The following EMC4 variants were observed in gnomAD, a reference collection of about 807,000 sequenced individuals.
EMC4 encodes cell proliferation-inducing gene 17 protein.
Under a neutral mutation model 24.2 loss-of-function variants are expected in EMC4, and 9 were observed. That is an observed-to-expected ratio of 0.37 (90% CI 0.22 to 0.65). EMC4 has a LOEUF of 0.65. Among genes scored for constraint, EMC4 ranks in the 30% least tolerant of loss-of-function variants. EMC4 has a pLI of 0.59. For synonymous variants in EMC4, 86 were observed against 81.1 expected, an observed-to-expected ratio of 1.06 and a Z score of -0.32; for missense variants, 169 against 234.6, an observed-to-expected ratio of 0.72 and a Z score of 1.83.
intron 3 of EMC4, chr15:34,228,057 C>A: frequency 6.1e-6 from 3 of 490,170 alleles, no homozygotes; most frequent in Non-Finnish European, 1.1e-5. Context: ...GTGGCACACG[C>A]CTGTAATCCC....
Position 34,225,328 on chromosome 15 carries a change from G to A in EMC4, c.86+128G>A, listed in dbSNP as rs1284131375. The stretch of plus-strand genomic sequence containing the variant: ...CACAGACATCACCTGGGGAGGTAGC[G>A]GCTTTTCTGCCGTGGAAGTTTCTCT... On this transcript the variant is annotated intron_variant, in intron 1 of 4. Coordinates refer to ENST00000267750, the MANE Select transcript of EMC4 (RefSeq NM_016454.4). 18 of 912,776 alleles carry A rather than the reference G, an allele frequency of 2.0e-5. No individual in the cohort carries two copies. In the East Asian group the frequency reaches 4.8e-4, roughly 24 times the overall value. The allele number at this position is 912,776 out of a possible 1,614,324, so 56.5% of individuals were successfully genotyped here. A position where few individuals can be genotyped will look rare whatever the true frequency, so the allele number is the denominator to read the frequency against.
intron 3 of EMC4, 94 bp from the exon 4 acceptor site, chr15:34,228,335 A>G (rs982188422): frequency 3.3e-5 from 44 of 1,328,684 alleles, no homozygotes; most frequent in Non-Finnish European, 4.4e-5. Context: ...CTGTCTTACT[A>G]TGGGTCTGTC....
At chr15:34,225,672 C>A in intron 2 of EMC4, 22 bp downstream of exon 2, 1 of 1,576,830 alleles carries the variant, frequency 6.3e-7, no homozygotes, top group South Asian at 1.1e-5. Context: ...TAGATGTTAC[C>A]GTAGCCCATG....
rs1567547490 is a variant in EMC4, at chr15:34,225,094, C to CTA, written c.-18_-17dup. On this transcript the variant is annotated 5_prime_UTR_variant, in exon 1 of 5. Transcript: ENST00000267750. ...CGCTTTGGACTGAGAAGCATCGAGG[C>CTA]TATAGGACGCAGCTGTTGCCATGAC... is the stretch of plus-strand genomic sequence containing the variant. The CTA allele has an allele frequency of 1.9e-6, 3 of 1,547,622 alleles. No individual in the cohort carries two copies. The highest frequency in any genetic ancestry group is 1.7e-4 in the Middle Eastern group (1 of 5,980).
At position 34,227,980 on chromosome 15, in the gene EMC4, C is replaced by G. The variant is rs573506282; in HGVS notation, c.355+134C>G. 176 of 882,402 alleles carry G rather than the reference C, an allele frequency of 2.0e-4. 1 individual carries two copies. In the South Asian group the frequency reaches 2.6e-3, roughly 13 times the overall value. 54.7% of individuals were successfully genotyped at this position (882,402 alleles called of 1,614,324 possible). A position where few individuals can be genotyped will look rare whatever the true frequency, so the allele number is the denominator to read the frequency against. On this transcript the variant is annotated intron_variant, in intron 3 of 4. Transcript: ENST00000267750. ...GGTGGATCATCTGAGGGCAGGAGTTCGAGACCAGCCTGGCCAACATGGTGA... is the reference window on the plus strand; with the variant it reads ...GGTGGATCATCTGAGGGCAGGAGTTGGAGACCAGCCTGGCCAACATGGTGA...
Position 34,228,586 on chromosome 15 carries a change from T to G in EMC4, c.513T>G (p.Pro171=). 2 of 1,610,900 alleles carry G rather than the reference T, an allele frequency of 1.2e-6. No homozygotes were observed. The highest frequency in any genetic ancestry group is 1.7e-6 in the Non-Finnish European group (2 of 1,178,976). Residue 171 remains proline (P), a synonymous_variant, in exon 4 of 5, where the codon CCT becomes CCG. Transcript: ENST00000267750. ...ASDWLAFIEP[P]ERMEFSGGGL... ...ATTGGTTAGCCTTCATTGAGCCCCC[T>G]GAGGTAAGGCAAAAGAAAAGCTGAA... is the stretch of plus-strand genomic sequence containing the variant.
chr15:34,227,706 T>A lies in EMC4; in HGVS notation c.215T>A (p.Ile72Asn). ...GTTTTGTTTTAGCGCTGCTGGGACA[T>A]CGCCTTGGGTCCCCTCAAACAGATT... ...RILVEKRCWD[I>N]ALGPLKQIPM... The change falls in exon 3 of 5, where the codon ATC becomes AAC. Residue 72 changes from isoleucine to asparagine, a missense_variant. Transcript: ENST00000267750. 1 of 1,613,952 alleles carries A rather than the reference T, an allele frequency of 6.2e-7. No homozygotes were observed. Among genetic ancestry groups the A allele is most frequent in the Non-Finnish European group, 8.5e-7 (1 of 1,179,864 alleles).
intron 2 of EMC4, chr15:34,225,992 T>C (rs780022920): frequency 5.5e-6 from 2 of 365,528 alleles, no homozygotes; most frequent in Non-Finnish European, 1.1e-5. Context: ...TACTTTTTCC[T>C]GTGTTCACCT....
At position 34,227,837 on chromosome 15, in the gene EMC4, A is replaced by T; in HGVS notation, c.346A>T (p.Ile116Phe). ...AWRPIQALMA[I>F]SATFKMLESS... ...GCGACCCATTCAGGCACTTATGGCC[A>T]TTTCAGCCAGTAAGTATTCTTGAAA... The change falls in exon 3 of 5, where the codon ATT becomes TTT. Residue 116 changes from isoleucine to phenylalanine, a missense_variant. By Grantham distance (21) the Ile-to-Phe change is conservative (BLOSUM62 0). Transcript: ENST00000267750. 1 of 1,613,408 alleles carries T rather than the reference A, an allele frequency of 6.2e-7. No homozygotes were observed. Among genetic ancestry groups the T allele is most frequent in the Non-Finnish European group, 8.5e-7 (1 of 1,179,410 alleles).
chr15:34,225,311 T>C (rs1890620197), intron 1 of EMC4, 111 bp downstream of exon 1: 2 of 1,002,630 alleles, frequency 2.0e-6, no homozygotes, highest in African/African-American at 3.3e-5. Context: ...CACACAGACA[T>C]CACCTGGGGA....
chr15:34,225,045 C>T lies in EMC4; in HGVS notation c.-70C>T, dbSNP rs547467605. On this transcript the variant is annotated 5_prime_UTR_variant, in exon 1 of 5. In the 5' UTR this introduces an upstream ATG that the reference lacks. Transcript: ENST00000267750. ...TTGCAGAGTGAGACAAAGCGGAGAA[C>T]GCTGGTGGGCCTGTTGTGGAGTACG... 2.3e-6 allele frequency: 3 copies of T among 1,279,800 alleles called. No homozygotes were observed. Among genetic ancestry groups the T allele is most frequent in the African/African-American group, 1.5e-5 (1 of 67,756 alleles). 79.3% of individuals were successfully genotyped at this position (1,279,800 alleles called of 1,614,324 possible).
chr15:34,225,470 G>T, intron 1 of EMC4, 66 bp from the exon 2 acceptor site: 1 of 1,237,768 alleles, frequency 8.1e-7, no homozygotes. Context: ...ATGATTGGTA[G>T]ATCAGGAAAT....
chr15:34,226,188 G>C (rs377079105), intron 2 of EMC4: 97 of 176,236 alleles, frequency 5.5e-4, no homozygotes, highest in African/African-American at 2.3e-3. Flanking sequence ...CACCGCGCTC[G>C]GCCCGGGGCT....
chr15:34,225,491 A>G lies in EMC4; in HGVS notation c.87-45A>G, dbSNP rs186563897. On this transcript the variant is annotated intron_variant, in intron 1 of 4. Coordinates refer to ENST00000267750, the MANE Select transcript of EMC4 (RefSeq NM_016454.4). ...GGTAGATCAGGAAATGTGGGATAAG[A>G]AGTATCGGAGGTTGCAGCTTTAGTT... 3.4e-4 allele frequency: 474 copies of G among 1,383,692 alleles called. 3 individuals carry two copies. In the African/African-American group the frequency reaches 6.3e-3, roughly 19 times the overall value. 85.7% of individuals were successfully genotyped at this position (1,383,692 alleles called of 1,614,324 possible).
Position 34,225,555 on chromosome 15 carries a change from A to C in EMC4, c.106A>C (p.Ser36Arg). ...TTTTAGGGGTCGAAGTGACCGGGGC[A>C]GTGGCCAGGGAGACTCGCTCTACCC... is the stretch of plus-strand genomic sequence containing the variant. Reference protein sequence around the residue: ...GGSRGRSDRGSGQGDSLYPVG... With the variant: ...GGSRGRSDRGRGQGDSLYPVG... Residue 36 changes from serine (S) to arginine (R), a missense_variant, in exon 2 of 5, where the codon AGT (serine) becomes CGT (arginine). Transcript: ENST00000267750. The C allele has an allele frequency of 2.5e-6, 4 of 1,614,118 alleles. No individual in the cohort carries two copies. The highest frequency in any genetic ancestry group is 3.4e-6 in the Non-Finnish European group (4 of 1,179,958).
At position 34,228,494 on chromosome 15, in the gene EMC4, C is replaced by G. The variant is rs750566220; in HGVS notation, c.421C>G (p.Leu141Val). The G allele has an allele frequency of 9.3e-6, 15 of 1,614,014 alleles. No homozygotes were observed. Among genetic ancestry groups the G allele is most frequent in the East Asian group, 2.2e-5 (1 of 44,858 alleles). ...GGGTTTGGTCTATCTCATTGGGAAC[C>G]TGATGGGTTTGGCATTGGCTGTTTA... is the stretch of plus-strand genomic sequence containing the variant. ...LQGLVYLIGN[L>V]MGLALAVYKC... The change falls in exon 4 of 5, where the codon CTG becomes GTG. Residue 141 changes from leucine to valine, a missense_variant. Physicochemically the swap from Leu to Val is conservative, Grantham distance 32. Coordinates refer to ENST00000267750, the MANE Select transcript of EMC4 (RefSeq NM_016454.4).
In EMC4 at chr15:34,225,209, C is replaced by T. The variant is rs778028720; in HGVS notation, c.86+9C>T. On this transcript the variant is annotated intron_variant, in intron 1 of 4. Transcript: ENST00000267750. Reference sequence around the variant, plus strand: ...CCTGGAGGAGGCAGCAGGTGAGGCACCTGGGCAAGCTGTACATCACTGTTC... The same window carrying T: ...CCTGGAGGAGGCAGCAGGTGAGGCATCTGGGCAAGCTGTACATCACTGTTC... 15 of 1,545,780 alleles carry T rather than the reference C, an allele frequency of 9.7e-6. No individual in the cohort carries two copies. Among genetic ancestry groups the T allele is most frequent in the South Asian group, 1.2e-5 (1 of 83,520 alleles).
At position 34,228,537 on chromosome 15, in the gene EMC4, G is replaced by C; in HGVS notation, c.464G>C (p.Gly155Ala). 1 of 1,614,092 alleles carries C rather than the reference G, an allele frequency of 6.2e-7. No homozygotes were observed. Among genetic ancestry groups the C allele is most frequent in the Non-Finnish European group, 8.5e-7 (1 of 1,180,016 alleles). The change falls in exon 4 of 5, where the codon GGA (glycine) becomes GCA (alanine). Residue 155 changes from glycine to alanine, a missense_variant. Coordinates refer to ENST00000267750, the MANE Select transcript of EMC4 (RefSeq NM_016454.4). Reference sequence around the variant, plus strand: ...GCTGTTTACAAGTGCCAGTCCATGGGACTGTTACCTACACATGCATCGGAT... The same window carrying C: ...GCTGTTTACAAGTGCCAGTCCATGGCACTGTTACCTACACATGCATCGGAT... Reference protein sequence around the residue: ...ALAVYKCQSMGLLPTHASDWL... With the variant: ...ALAVYKCQSMALLPTHASDWL...
chr15:34,228,123 C>T (rs1182451926), intron 3 of EMC4: 5 of 449,698 alleles, frequency 1.1e-5, no homozygotes, highest in South Asian at 2.6e-5. Context: ...GCAGAGGTTG[C>T]AGTGAGCCGA....
Sources: gnomAD v4.1 joint callset for allele counts on GRCh38, gnomAD v4.1.1 for gene constraint, MANE v1.5 for transcripts, NCBI Gene and HGNC (gene_info 2026-07-23, HGNC 2026-07-21) for gene names.